COL28A1: variants seen among roughly 807,000 people sequenced by gnomAD.
The protein encoded by COL28A1 is collagen type XXVIII alpha 1 chain.
In COL28A1, 161 loss-of-function variants were observed where a neutral mutation model predicts 150.2. The observed-to-expected ratio is 1.07, with a 90% CI of 0.94 to 1.22. The LOEUF is 1.22. Among genes scored for constraint, COL28A1 ranks in the 50% most tolerant of loss-of-function variants. COL28A1 has a pLI of 0.00. For missense variants in COL28A1, 1,617 were observed against 1,388.3 expected (o/e 1.16, Z -2.62); for synonymous variants, 552 against 469.7 (o/e 1.18, Z -2.26).
intron 25 of COL28A1, among the ~76,000 whole-genome samples, chr7:7,421,349 T>C (rs1784382826): frequency 6.6e-6 from 1 of 152,158 alleles, no homozygotes; most frequent in African/African-American, 2.4e-5. Context: ...ACTGGGGGGA[T>C]AAAAATGACC....
chr7:7,388,210 T>G (rs1308032862), intron 27 of COL28A1, among the ~76,000 whole-genome samples: 2 of 151,932 alleles, frequency 1.3e-5, no homozygotes, highest in Admixed American at 6.6e-5. Flanking sequence ...CCCCTCCCTG[T>G]ACCCATGTGT....
chr7:7,456,519 C>G (rs554012114), intron 15 of COL28A1, among the ~76,000 whole-genome samples: 1 of 151,688 alleles, frequency 6.6e-6, no homozygotes, highest in Non-Finnish European at 1.5e-5. Flanking sequence ...TTCTAAATAC[C>G]CTTTCCCTCC....
At chr7:7,344,198 A>G in the COL28A1 span, among the ~76,000 whole-genome samples, 1 of 152,054 alleles carries the variant, frequency 6.6e-6, no homozygotes, top group East Asian at 1.9e-4. Context: ...TCCTTTTACT[A>G]TTTATGTTCT....
chr7:7,515,875 T>C (rs781741104), intron 7 of COL28A1, 35 bp from the exon 8 acceptor site: 1 of 868,288 alleles, frequency 1.2e-6, no homozygotes, highest in South Asian at 1.4e-5. Flanking sequence ...TAAAATATGA[T>C]ACTCTGAGGC....
chr7:7,416,860 G>A (rs187872870), intron 27 of COL28A1, among the ~76,000 whole-genome samples: 1 of 152,288 alleles, frequency 6.6e-6, no homozygotes, highest in African/African-American at 2.4e-5. Flanking sequence ...ATTATCTTAA[G>A]CTCCTACTGT....
At position 7,360,491 on chromosome 7, in the gene COL28A1, G is replaced by C; in HGVS notation, c.3104C>G (p.Ala1035Gly). 1 of 1,607,306 alleles carries C rather than the reference G, an allele frequency of 6.2e-7. No homozygotes were observed. Among genetic ancestry groups the C allele is most frequent in the Non-Finnish European group, 8.5e-7 (1 of 1,178,076 alleles). Residue 1035 changes from alanine to glycine, a missense_variant, in exon 34 of 35, where the codon GCT becomes GGT. Coordinates refer to ENST00000399429, the MANE Select transcript of COL28A1 (RefSeq NM_001037763.3). ...ATCATCAGCCCACGTTGGCTCTGGAGCCTTATCATCTTCATCCTGGTCTCT... is the reference window on the plus strand; with the variant it reads ...ATCATCAGCCCACGTTGGCTCTGGACCCTTATCATCTTCATCCTGGTCTCT... ...VTRDQDEDDK[A>G]PEPTWADDLP...
At chr7:7,440,241 G>A (rs972936453) in intron 21 of COL28A1, among the ~76,000 whole-genome samples, 2 of 152,132 alleles carry the variant, frequency 1.3e-5, no homozygotes, top group Admixed American at 6.5e-5. Flanking sequence ...ATAATTCGAT[G>A]TATTCAACAC....
chr7:7,515,331 A>G (rs949703352), intron 8 of COL28A1, among the ~76,000 whole-genome samples: 2 of 152,034 alleles, frequency 1.3e-5, no homozygotes, highest in Admixed American at 1.3e-4. Context: ...TTGTTTGCCA[A>G]ATTTACTCCC....
At chr7:7,494,721 C>G (rs1021048975) in intron 11 of COL28A1, among the ~76,000 whole-genome samples, 2 of 152,198 alleles carry the variant, frequency 1.3e-5, no homozygotes, top group East Asian at 3.8e-4. Flanking sequence ...AGCTTACAAT[C>G]TGGCTGGAGA....
intron 25 of COL28A1, among the ~76,000 whole-genome samples, chr7:7,430,582 T>C (rs1182014644): frequency 3.3e-5 from 5 of 152,226 alleles, no homozygotes; most frequent in Admixed American, 3.3e-4. Context: ...TAAATGATCA[T>C]CTGTTTCCAT....
intron 16 of COL28A1, among the ~76,000 whole-genome samples, chr7:7,453,907 G>A (rs149229065): frequency 0.012 from 1,840 of 151,368 alleles, 20 homozygotes; most frequent in Middle Eastern, 0.034. Flanking sequence ...GGCCATCCAG[G>A]ATCATGCAGA....
chr7:7,400,973 T>TGGGG (rs200700715), intron 27 of COL28A1, among the ~76,000 whole-genome samples: 35 of 113,184 alleles, frequency 3.1e-4, no homozygotes, highest in East Asian at 1.4e-3. Flanking sequence ...TGTGGGTATT[T>TGGGG]GGGTGTGTGT....
chr7:7,528,461 T>A (rs906299321), intron 3 of COL28A1, among the ~76,000 whole-genome samples: 2 of 152,204 alleles, frequency 1.3e-5, no homozygotes, highest in African/African-American at 4.8e-5. Flanking sequence ...ACTAGAGGCA[T>A]CAAGGAATTT....
chr7:7,458,439 CAAACAAACAAAAA>C (rs1013566420), intron 15 of COL28A1, among the ~76,000 whole-genome samples: 3 of 151,296 alleles, frequency 2.0e-5, no homozygotes, highest in Admixed American at 1.3e-4. Flanking sequence ...AAACAAAAAA[CAAACAAACAAAAA>C]AAACAAACAA....
At chr7:7,522,904 C>T (rs953020049) in intron 4 of COL28A1, among the ~76,000 whole-genome samples, 1 of 147,954 alleles carries the variant, frequency 6.8e-6, no homozygotes, top group Non-Finnish European at 1.5e-5. Context: ...CATTCAAAGT[C>T]ATCCTGGGCT....
chr7:7,508,991 G>T (rs1302384421), intron 9 of COL28A1, among the ~76,000 whole-genome samples: 1 of 152,074 alleles, frequency 6.6e-6, no homozygotes, highest in Non-Finnish European at 1.5e-5. Flanking sequence ...GCACCACCAT[G>T]CCCAGCTAAT....
intron 16 of COL28A1, among the ~76,000 whole-genome samples, chr7:7,455,624 G>A (rs1292072535): frequency 1.3e-5 from 2 of 152,128 alleles, no homozygotes; most frequent in Admixed American, 6.5e-5. Context: ...ATGGATATGT[G>A]GCTAGTTAGA....
At chr7:7,471,106 T>A (rs1583449622) in intron 15 of COL28A1, among the ~76,000 whole-genome samples, 18 of 96,532 alleles carry the variant, frequency 1.9e-4, no homozygotes, top group East Asian at 3.0e-4. Context: ...AAACTTAGAG[T>A]ATAATAAAAA....
intron 3 of COL28A1, among the ~76,000 whole-genome samples, chr7:7,527,994 G>A (rs1583577003): frequency 6.6e-6 from 1 of 151,958 alleles, no homozygotes; most frequent in Non-Finnish European, 1.5e-5. Context: ...CCTAAACAGA[G>A]GAAGTCTTGA....
Sources: allele counts gnomAD v4.1 joint callset (sites outside exome capture counted in the v4.1 genomes callset), GRCh38; gene constraint gnomAD v4.1.1; transcripts MANE v1.5; gene names NCBI Gene and HGNC (gene_info 2026-07-23, HGNC 2026-07-21).